Variants in MCTP1 observed in about 807,000 individuals in gnomAD.
MCTP1 encodes the protein multiple C2 and transmembrane domain containing 1.
MCTP1 carries 69 observed loss-of-function variants against 120.6 expected under a neutral mutation model. The ratio of observed to expected loss-of-function variants is 0.57; its 90% CI spans 0.47 to 0.70. MCTP1 has a LOEUF of 0.70. Ranked by LOEUF, MCTP1 falls within the 30% of genes least tolerant of loss-of-function variation. The probability of loss-of-function intolerance (pLI) is 0.00; values close to 1 mark genes in which losing one functional copy is unlikely to be tolerated. For missense variants in MCTP1, 1,203 were observed against 1,248.8 expected (o/e 0.96, Z 0.55); for synonymous variants, 529 against 493.1 (o/e 1.07, Z -0.96).
intron 1 of MCTP1, among the ~76,000 whole-genome samples, chr5:95,243,448 A>G (rs1425393074): frequency 6.6e-6 from 1 of 152,182 alleles, no homozygotes; most frequent in Non-Finnish European, 1.5e-5. Flanking sequence ...GGGGAACCAC[A>G]GCATGAATGG....
intron 1 of MCTP1, among the ~76,000 whole-genome samples, chr5:95,208,210 C>A (rs1751897571): frequency 6.6e-6 from 1 of 152,162 alleles, no homozygotes; most frequent in South Asian, 2.1e-4. Flanking sequence ...CTGCCTCAGC[C>A]TCCCTAGTAG....
chr5:94,834,595 T>A (rs1399883037), intron 17 of MCTP1, among the ~76,000 whole-genome samples: 1 of 151,994 alleles, frequency 6.6e-6, no homozygotes, highest in Non-Finnish European at 1.5e-5. Flanking sequence ...GAGGAGGAAA[T>A]AACCAGGAAC....
chr5:94,880,555 T>C (rs560470291), intron 12 of MCTP1, among the ~76,000 whole-genome samples: 2 of 152,162 alleles, frequency 1.3e-5, no homozygotes, highest in African/African-American at 2.4e-5. Context: ...GTCTCTTTAT[T>C]CCTCTTTTAC....
intron 18 of MCTP1, among the ~76,000 whole-genome samples, chr5:94,785,752 GTTT>G (rs939713799): frequency 1.3e-5 from 2 of 151,832 alleles, no homozygotes; most frequent in Non-Finnish European, 1.5e-5. Flanking sequence ...CTTAGAAATT[GTTT>G]TTAAGTGTCT....
At chr5:95,062,053 A>C (rs1437404722) in intron 1 of MCTP1, among the ~76,000 whole-genome samples, 1 of 152,262 alleles carries the variant, frequency 6.6e-6, no homozygotes, top group Non-Finnish European at 1.5e-5. Flanking sequence ...GCTAGTAGTT[A>C]GCAACTTCAA....
intron 19 of MCTP1, among the ~76,000 whole-genome samples, chr5:94,751,703 G>A (rs141895671): frequency 7.2e-5 from 11 of 152,220 alleles, no homozygotes; most frequent in Admixed American, 2.0e-4. Flanking sequence ...AAGCAGAGCC[G>A]TTGTTGAATG....
chr5:95,100,507 G>A (rs2152366728), intron 1 of MCTP1, among the ~76,000 whole-genome samples: 1 of 152,132 alleles, frequency 6.6e-6, no homozygotes, highest in South Asian at 2.1e-4. Context: ...AACTGTTAAG[G>A]AAATGAAAAT....
chr5:94,924,459 G>T (rs1812495761), intron 6 of MCTP1, among the ~76,000 whole-genome samples: 1 of 152,008 alleles, frequency 6.6e-6, no homozygotes, highest in Admixed American at 6.6e-5. Context: ...GTCAAATTTG[G>T]TTTACATTTC....
At chr5:94,784,409 G>C (rs2152957546) in intron 18 of MCTP1, among the ~76,000 whole-genome samples, 1 of 152,180 alleles carries the variant, frequency 6.6e-6, no homozygotes, top group Non-Finnish European at 1.5e-5. Context: ...CAAATCACTT[G>C]AAAGTACCAA....
chr5:95,193,850 C>T (rs997308315), intron 1 of MCTP1, among the ~76,000 whole-genome samples: 4 of 152,074 alleles, frequency 2.6e-5, no homozygotes, highest in Non-Finnish European at 5.9e-5. Context: ...TATGTAATTC[C>T]TACAAGAACC....
chr5:95,224,409 C>G (rs1754030140), intron 1 of MCTP1, among the ~76,000 whole-genome samples: 1 of 152,098 alleles, frequency 6.6e-6, no homozygotes, highest in African/African-American at 2.4e-5. Context: ...CTAACACATC[C>G]CAAAGAATCA....
chr5:95,038,056 A>G, intron 1 of MCTP1: 1 of 889,398 alleles, frequency 1.1e-6, no homozygotes, highest in Non-Finnish European at 1.3e-6. Flanking sequence ...TATGAGTTTA[A>G]AACAAAACTC....
intron 11 of MCTP1, among the ~76,000 whole-genome samples, chr5:94,889,580 C>T (rs911606034): frequency 6.6e-6 from 1 of 152,094 alleles, no homozygotes; most frequent in Non-Finnish European, 1.5e-5. Flanking sequence ...CAGGGCAAGA[C>T]TCCAACTCAA....
At chr5:94,855,949 A>C (rs1794654909) in intron 17 of MCTP1, among the ~76,000 whole-genome samples, 1 of 151,748 alleles carries the variant, frequency 6.6e-6, no homozygotes, top group Non-Finnish European at 1.5e-5. Context: ...AGAAGTTTCC[A>C]TGAGCTAGCT....
rs543005203 is a variant in MCTP1 at position 94,900,998 on chromosome 5, CTCA to C, written c.1653-6166_1653-6164del. Among the ~76,000 whole-genome samples, 4 of 152,288 alleles carry C rather than the reference CTCA, an allele frequency of 2.6e-5. No individual in the cohort carries two copies. In the East Asian group the frequency reaches 7.7e-4, roughly 29 times the overall value. Reference sequence around the variant, plus strand: ...TTCAAGTGATCTGCATCAAATTCAACTCATCAATTAATGAATCAACAGAATAAC... The same window carrying C: ...TTCAAGTGATCTGCATCAAATTCAACTCAATTAATGAATCAACAGAATAAC... On this transcript the variant is annotated intron_variant, in intron 10 of 22. Coordinates refer to ENST00000515393, the MANE Select transcript of MCTP1 (RefSeq NM_024717.7).
chr5:95,205,392 C>G (rs1166205376), intron 1 of MCTP1, among the ~76,000 whole-genome samples: 2 of 152,044 alleles, frequency 1.3e-5, no homozygotes, highest in Admixed American at 6.6e-5. Context: ...CTATAAAACT[C>G]TTAGAAGAAA....
chr5:94,814,904 T>C (rs1344951114), intron 17 of MCTP1, among the ~76,000 whole-genome samples: 1 of 152,208 alleles, frequency 6.6e-6, no homozygotes, highest in Non-Finnish European at 1.5e-5. Context: ...GGTGAGGAAC[T>C]CTTTTAATTT....
intron 1 of MCTP1, among the ~76,000 whole-genome samples, chr5:95,209,247 C>T (rs1752039068): frequency 6.6e-6 from 1 of 152,200 alleles, no homozygotes; most frequent in Non-Finnish European, 1.5e-5. Flanking sequence ...CTCTTGTCCT[C>T]TTTTCCTCTT....
chr5:94,841,134 C>A (rs955355212), intron 17 of MCTP1, among the ~76,000 whole-genome samples: 4 of 152,156 alleles, frequency 2.6e-5, no homozygotes, highest in African/African-American at 9.7e-5. Context: ...TAGGTGTGCC[C>A]TTCCCTTGTA....
Sources: allele counts gnomAD v4.1 joint callset (sites outside exome capture counted in the v4.1 genomes callset), GRCh38; gene constraint gnomAD v4.1.1; transcripts MANE v1.5; gene names NCBI Gene and HGNC (gene_info 2026-07-23, HGNC 2026-07-21).